The following ZNF112 variants were observed in gnomAD, a reference collection of about 807,000 sequenced individuals.
The protein encoded by ZNF112 is zinc finger protein 112 (Y14).
Under a neutral mutation model 77.7 loss-of-function variants are expected in ZNF112, and 37 were observed. That is an observed-to-expected ratio of 0.48 (90% confidence interval 0.37 to 0.63). ZNF112 has a LOEUF of 0.63. ZNF112 is among the 20% of genes least tolerant of loss of function. The pLI, the probability that ZNF112 is intolerant of heterozygous loss-of-function variation, is 0.00. For missense variants in ZNF112, 950 were observed against 1,077.4 expected, an observed-to-expected ratio of 0.88 and a Z score of 1.66; for synonymous variants, 333 against 363.6, an observed-to-expected ratio of 0.92 and a Z score of 0.96.
intron 3 of ZNF112, among the ~76,000 whole-genome samples, chr19:44,332,432 A>G (rs1332097105): frequency 1.3e-5 from 2 of 152,350 alleles, no homozygotes; most frequent in African/African-American, 4.8e-5. Flanking sequence ...TGAAGCTTTC[A>G]GTTATTATAA....
intron 1 of ZNF112, among the ~76,000 whole-genome samples, chr19:44,352,533 T>C (rs776781468): frequency 6.6e-6 from 1 of 151,976 alleles, no homozygotes; most frequent in Non-Finnish European, 1.5e-5. Flanking sequence ...ATAAAAAGCA[T>C]ACAGATTAGA....
At chr19:44,351,693 TA>T (rs554601832) in intron 1 of ZNF112, among the ~76,000 whole-genome samples, 1 of 152,030 alleles carries the variant, frequency 6.6e-6, no homozygotes, top group African/African-American at 2.4e-5. Context: ...AATCTGGGCC[TA>T]AAAAAATAGG....
At chr19:44,356,833 G>A (rs976199287), upstream of ZNF112, among the ~76,000 whole-genome samples, 1 of 152,176 alleles carries the variant, frequency 6.6e-6, no homozygotes, top group African/African-American at 2.4e-5. Context: ...TTATCTGCCT[G>A]CCTAGGACGC....
intron 1 of ZNF112, among the ~76,000 whole-genome samples, chr19:44,346,943 G>A (rs1220661113): frequency 6.6e-6 from 1 of 152,186 alleles, no homozygotes; most frequent in African/African-American, 2.4e-5. Flanking sequence ...ACGAGGTCAA[G>A]ATGTTAATAG....
chr19:44,336,517 G>A, intron 3 of ZNF112, 106 bp downstream of exon 3: 1 of 946,916 alleles, frequency 1.1e-6, no homozygotes, highest in Non-Finnish European at 1.7e-6. Flanking sequence ...CTTACTATGT[G>A]TGAAATGGGG....
chr19:44,362,739 A>G (rs991359531), intron 1 of ZNF112, among the ~76,000 whole-genome samples: 1 of 152,138 alleles, frequency 6.6e-6, no homozygotes, highest in African/African-American at 2.4e-5. Context: ...ATTAAAAAGA[A>G]AAAGAAAAAA....
In ZNF112 at chr19:44,327,088, G is replaced by A. The variant is rs574427778; in HGVS notation, c.*345C>T. 11 of 187,120 alleles carry A rather than the reference G, an allele frequency of 5.9e-5. 1 individual carries two copies. In the South Asian group the frequency reaches 6.0e-4, roughly 10 times the overall value. The allele number at this position is 187,120 out of a possible 1,614,324, so 11.6% of individuals were successfully genotyped here. A position where few individuals can be genotyped will look rare whatever the true frequency, so the allele number is the denominator to read the frequency against. ...AAAAAGTACTGAGCACCTACATTGC[G>A]TTATGAAATGTCCTAGTTTTGTAGA... On this transcript the variant is annotated 3_prime_UTR_variant, in exon 4 of 4. Coordinates refer to ENST00000354340, the MANE Select transcript of ZNF112 (RefSeq NM_013380.4).
intron 1 of ZNF112, among the ~76,000 whole-genome samples, chr19:44,352,342 A>C (rs1970708528): frequency 6.6e-6 from 1 of 152,182 alleles, no homozygotes; most frequent in Non-Finnish European, 1.5e-5. Flanking sequence ...AGTGAAGCAG[A>C]AAAAGCATTT....
Position 44,329,394 on chromosome 19 carries a change from T to C in ZNF112, c.763A>G (p.Thr255Ala). 1 of 1,614,054 alleles carries C rather than the reference T, an allele frequency of 6.2e-7. No homozygotes were observed. Among genetic ancestry groups the C allele is most frequent in the Non-Finnish European group, 8.5e-7 (1 of 1,179,966 alleles). Reference protein sequence around the residue: ...IQTEEKPYPCTGYRKAFSNDS... With the variant: ...IQTEEKPYPCAGYRKAFSNDS... ...TTACTGAAGGCTTTTCTATACCCAGTACATGGATAGGGCTTCTCCTCTGTT... is the reference window on the plus strand; with the variant it reads ...TTACTGAAGGCTTTTCTATACCCAGCACATGGATAGGGCTTCTCCTCTGTT... The change falls in exon 4 of 4, where the codon ACT becomes GCT. Residue 255 changes from threonine to alanine, a missense_variant. Physicochemically the swap from Thr to Ala is moderately conservative, Grantham distance 58. Around this residue, in one of 3 missense-constraint regions of ZNF112, gnomAD observed 560 missense variants for 557.3 expected, o/e 1.00. Coordinates refer to ENST00000354340, the MANE Select transcript of ZNF112 (RefSeq NM_013380.4).
chr19:44,333,770 C>A (rs897952876), intron 3 of ZNF112, among the ~76,000 whole-genome samples: 6 of 152,198 alleles, frequency 3.9e-5, no homozygotes, highest in Non-Finnish European at 8.8e-5. Context: ...GTCAATTAAA[C>A]CTCTTTTCTT....
In ZNF112 at chr19:44,327,356, C is replaced by T. The variant is rs1387666909; in HGVS notation, c.*77G>A. ...ATGTTGAAGTTGGGCAGCAACATTA[C>T]ATTTTAATTTTTAAAAATTCTTTTT... On this transcript the variant is annotated 3_prime_UTR_variant, in exon 4 of 4. Transcript: ENST00000354340. 2.6e-5 allele frequency: 32 copies of T among 1,233,064 alleles called. No individual in the cohort carries two copies. The Middle Eastern group carries it at 3.4e-3, about 132-fold the overall frequency. The allele number at this position is 1,233,064 out of a possible 1,614,324, so 76.4% of individuals were successfully genotyped here.
chr19:44,341,874 T>C lies in ZNF112; in HGVS notation c.-3-1332A>G, dbSNP rs369173248. Among the ~76,000 whole-genome samples, 24 of 152,354 alleles carry C rather than the reference T, an allele frequency of 1.6e-4. No homozygotes were observed. The East Asian group carries it at 1.9e-3, about 12-fold the overall frequency. On this transcript the variant is annotated intron_variant, in intron 1 of 3. Transcript: ENST00000354340. ...GTTCTGAGCATAACAGCTTCAGCTC[T>C]GAATGCAGAACTCTGCTTTGGTTTG...
rs1358711382 is a variant in ZNF112, at chr19:44,329,794, T to C, written c.363A>G (p.Gln121=). ...GTTCTTGCAACTGAGAATTCTTCCCTTGAAAAACTTTCAGGAAATCTTGAC... is the reference window on the plus strand; with the variant it reads ...GTTCTTGCAACTGAGAATTCTTCCCCTGAAAAACTTTCAGGAAATCTTGAC... ...IRCQDFLKVF[Q]GKNSQLQEQG... is the part of the protein sequence containing the mutation. Residue 121 remains glutamine (Q), a synonymous_variant, in exon 4 of 4, where the codon CAA becomes CAG. Transcript: ENST00000354340. 3 of 1,614,002 alleles carry C rather than the reference T, an allele frequency of 1.9e-6. No homozygotes were observed. Among genetic ancestry groups the C allele is most frequent in the South Asian group, 1.1e-5 (1 of 91,086 alleles).
intron 1 of ZNF112, among the ~76,000 whole-genome samples, chr19:44,345,021 G>A (rs1970562028): frequency 6.6e-6 from 1 of 152,152 alleles, no homozygotes; most frequent in African/African-American, 2.4e-5. Flanking sequence ...AGAATGGCCA[G>A]GACTATTAGT....
At chr19:44,329,963 T>G in intron 3 of ZNF112, 27 bp from the exon 4 acceptor site, 5 of 1,539,512 alleles carry the variant, frequency 3.2e-6, no homozygotes, top group Non-Finnish European at 4.4e-6. Context: ...AATTCAGATG[T>G]GCACGAGTGA....
At chr19:44,365,313 C>T (rs2437028) in intron 1 of ZNF112, among the ~76,000 whole-genome samples, 23,708 of 151,832 alleles carry the variant, frequency 0.16, 2,199 homozygotes, top group African/African-American at 0.26. Context: ...AAATTAGCTG[C>T]TCACTGTGGT....
At chr19:44,342,754 G>A (rs1970513574) in intron 1 of ZNF112, among the ~76,000 whole-genome samples, 1 of 151,600 alleles carries the variant, frequency 6.6e-6, no homozygotes, top group Admixed American at 6.6e-5. Context: ...GGTGGAGGGT[G>A]CAGTGAGCCG....
At chr19:44,351,203 T>G (rs1462007310) in intron 1 of ZNF112, among the ~76,000 whole-genome samples, 1 of 152,100 alleles carries the variant, frequency 6.6e-6, no homozygotes, top group Non-Finnish European at 1.5e-5. Flanking sequence ...CTTATAAGAA[T>G]CCTTGTAATT....
chr19:44,351,312 T>G (rs1970687835), intron 1 of ZNF112, among the ~76,000 whole-genome samples: 1 of 152,128 alleles, frequency 6.6e-6, no homozygotes, highest in Non-Finnish European at 1.5e-5. Flanking sequence ...GAAGTAACAT[T>G]CATAAGCTCT....
Sources: gnomAD v4.1 joint callset for allele counts (sites outside exome capture counted in the v4.1 genomes callset) on GRCh38, gnomAD v4.1.1 for gene constraint, gnomAD v4.1.1 regional missense constraint, MANE v1.5 for transcripts, NCBI Gene and HGNC (gene_info 2026-07-23, HGNC 2026-07-21) for gene names.